The following ATL2 variants were observed in gnomAD, a reference collection of about 807,000 sequenced individuals.
ATL2 encodes the protein atlastin-2.
Under a neutral mutation model 73.9 loss-of-function variants are expected in ATL2, and 31 were observed. The ratio of observed to expected loss-of-function variants is 0.42; its 90% CI spans 0.32 to 0.57. The LOEUF is 0.57. ATL2 is among the 20% of genes least tolerant of loss of function. ATL2 has a pLI of 0.14. For missense variants in ATL2, 738 were observed against 702.6 expected (o/e 1.05, Z -0.57); for synonymous variants, 291 against 237.5 (o/e 1.23, Z -2.07).
chr2:38,296,552 C>G, intron 12 of ATL2: 1 of 1,614,050 alleles, frequency 6.2e-7, no homozygotes, highest in South Asian at 1.1e-5. Flanking sequence ...CACGGTGAAC[C>G]ATTCGACGTC....
chr2:38,357,059 G>A (rs972414978), intron 1 of ATL2, among the ~76,000 whole-genome samples: 38 of 152,142 alleles, frequency 2.5e-4, no homozygotes, highest in Non-Finnish European at 8.8e-5. Context: ...GCTGGGTGCG[G>A]TGGCTCACAT....
chr2:38,353,239 C>T (rs189659579), intron 1 of ATL2, among the ~76,000 whole-genome samples: 1 of 152,092 alleles, frequency 6.6e-6, no homozygotes, highest in African/African-American at 2.4e-5. Flanking sequence ...GATGAGGAGT[C>T]TCAGCCAAAA....
At chr2:38,376,870 C>G (rs992315780) in intron 1 of ATL2, among the ~76,000 whole-genome samples, 1 of 150,490 alleles carries the variant, frequency 6.6e-6, no homozygotes, top group African/African-American at 2.4e-5. Context: ...GGCGGGCTGG[C>G]GGGCAGGGGG....
At chr2:38,352,067 C>T (rs559273383) in intron 1 of ATL2, among the ~76,000 whole-genome samples, 7 of 145,378 alleles carry the variant, frequency 4.8e-5, no homozygotes, top group Non-Finnish European at 1.0e-4. Context: ...GCCAAGATCG[C>T]GCCATTGCAC....
intron 3 of ATL2, 39 bp downstream of exon 3, chr2:38,318,846 G>A (rs1308417121): frequency 1.2e-5 from 19 of 1,588,358 alleles, no homozygotes; most frequent in Non-Finnish European, 1.5e-5. Context: ...AATAGCCCAA[G>A]AAAGAATACA....
chr2:38,354,273 A>G (rs529724059), intron 1 of ATL2: 2 of 306,000 alleles, frequency 6.5e-6, no homozygotes, highest in South Asian at 2.4e-5. Context: ...AACATTATCA[A>G]ATGGAAAGTC....
chr2:38,316,331 A>T (rs187461412), intron 4 of ATL2, among the ~76,000 whole-genome samples: 3 of 152,256 alleles, frequency 2.0e-5, no homozygotes, highest in Admixed American at 1.3e-4. Flanking sequence ...ACCATGACCA[A>T]CCTATGTGGG....
intron 1 of ATL2, among the ~76,000 whole-genome samples, chr2:38,364,049 G>C (rs1240871966): frequency 1.3e-5 from 2 of 152,260 alleles, no homozygotes; most frequent in Non-Finnish European, 2.9e-5. Flanking sequence ...AGATCATGAG[G>C]TCAGGAGTTG....
chr2:38,309,288 A>T (rs1667615174), intron 9 of ATL2, 91 bp downstream of exon 9: 1 of 1,271,872 alleles, frequency 7.9e-7, no homozygotes, highest in East Asian at 2.5e-5. Flanking sequence ...TTTTGTTTTA[A>T]AATAAAGACA....
At chr2:38,358,623 C>T (rs1452020272) in intron 1 of ATL2, 3 of 242,892 alleles carry the variant, frequency 1.2e-5, no homozygotes, top group Non-Finnish European at 2.7e-5. Flanking sequence ...ACCCAAGAGG[C>T]GGAGCTTGCA....
chr2:38,300,659 T>C (rs1354004721), intron 9 of ATL2, among the ~76,000 whole-genome samples: 1 of 152,138 alleles, frequency 6.6e-6, no homozygotes, highest in Non-Finnish European at 1.5e-5. Context: ...CTTTTTTTTC[T>C]CTTTCTTTAG....
chr2:38,325,573 A>C (rs1668550466), intron 2 of ATL2, among the ~76,000 whole-genome samples: 1 of 151,334 alleles, frequency 6.6e-6, no homozygotes, highest in Non-Finnish European at 1.5e-5. Context: ...GGGAAGTAAC[A>C]CTTTTTAAGT....
At chr2:38,306,294 T>C (rs1321418677) in intron 9 of ATL2, among the ~76,000 whole-genome samples, 1 of 152,178 alleles carries the variant, frequency 6.6e-6, no homozygotes, top group Non-Finnish European at 1.5e-5. Context: ...AATGGCTTCA[T>C]TGCTGAATTT....
In ATL2 at chr2:38,376,792, G is replaced by A. The variant is rs562228896; in HGVS notation, c.118+351C>T. 8.6e-5 allele frequency among the ~76,000 whole-genome samples: 13 copies of A among 151,754 alleles called. 1 individual carries two copies. In the South Asian group the frequency reaches 2.5e-3, roughly 29 times the overall value. ...GCGGAGCCGCAGCCGACCTCCCCGC[G>A]CCCCGGGCAGGCGGCCACGGCTCAA... On this transcript the variant is annotated intron_variant, in intron 1 of 12. Transcript: ENST00000378954.
upstream of ATL2, among the ~76,000 whole-genome samples, chr2:38,378,513 A>G (rs1187477194): frequency 6.6e-6 from 1 of 152,236 alleles, no homozygotes; most frequent in East Asian, 1.9e-4. Context: ...CTGGGATTAC[A>G]GGCGTGAGCC....
Position 38,360,259 on chromosome 2 carries a change from C to CTTTTTTTTTTTT in ATL2, c.119-16759_119-16748dup, listed in dbSNP as rs566192942. On this transcript the variant is annotated intron_variant, in intron 1 of 12. Transcript: ENST00000378954. The stretch of plus-strand genomic sequence containing the variant: ...AGAATAAGCGATGGCTCAGGGGATT[C>CTTTTTTTTTTTT]TTTTTTTTTTTTTTAAGATTTTGGG... 5.8e-3 allele frequency among the ~76,000 whole-genome samples: 789 copies of CTTTTTTTTTTTT among 135,184 alleles called. 10 individuals are homozygous for CTTTTTTTTTTTT. The highest frequency in any genetic ancestry group is 0.038 in the East Asian group (170 of 4,510). The allele number at this position is 135,184 out of a possible 152,430, so 88.7% of individuals were successfully genotyped here.
intron 1 of ATL2, among the ~76,000 whole-genome samples, chr2:38,345,416 C>T (rs905457474): frequency 6.6e-6 from 1 of 152,124 alleles, no homozygotes; most frequent in African/African-American, 2.4e-5. Context: ...ATCTGATTTG[C>T]AAAGACTATT....
At chr2:38,330,288 A>T (rs1668912060) in intron 2 of ATL2, among the ~76,000 whole-genome samples, 1 of 151,986 alleles carries the variant, frequency 6.6e-6, no homozygotes, top group African/African-American at 2.4e-5. Context: ...TCTACAAAAA[A>T]TCCTACAGCT....
At chr2:38,344,741 C>A (rs567181722) in intron 1 of ATL2, among the ~76,000 whole-genome samples, 2 of 152,272 alleles carry the variant, frequency 1.3e-5, no homozygotes, top group South Asian at 2.1e-4. Context: ...TAACCTAGTA[C>A]TACTACAGCC....
Sources: gnomAD v4.1 joint callset for allele counts (sites outside exome capture counted in the v4.1 genomes callset) on GRCh38, gnomAD v4.1.1 for gene constraint, MANE v1.5 for transcripts, NCBI Gene and HGNC (gene_info 2026-07-23, HGNC 2026-07-21) for gene names.